RASAL2: variants seen among roughly 807,000 people sequenced by gnomAD.
RASAL2 encodes RAS protein activator like 2, also known as ras GTPase-activating protein nGAP.
A neutral mutation model predicts 128.9 loss-of-function variants in RASAL2; 58 were observed. That is an observed-to-expected ratio of 0.45 (90% CI 0.36 to 0.56). The LOEUF (loss-of-function observed/expected upper bound fraction) is 0.56, where lower values mean the gene tolerates loss of function less well. Among genes scored for constraint, RASAL2 ranks in the 20% least tolerant of loss-of-function variants. The pLI is 0.00. For synonymous variants in RASAL2, 561 were observed against 580.8 expected (o/e 0.97, Z 0.49); for missense variants, 1,360 against 1,601.6 (o/e 0.85, Z 2.57).
At chr1:178,194,514 C>T (rs1423812759) in intron 1 of RASAL2, 1 of 163,776 alleles carries the variant, frequency 6.1e-6, no homozygotes, top group African/African-American at 2.4e-5. Flanking sequence ...TTTCTCTAAG[C>T]ACCAAGGTCT....
intron 3 of RASAL2, among the ~76,000 whole-genome samples, chr1:178,333,913 A>G (rs1669462028): frequency 6.6e-6 from 1 of 152,218 alleles, no homozygotes; most frequent in Non-Finnish European, 1.5e-5. Flanking sequence ...TATTGCCAAG[A>G]GAAAATATGT....
chr1:178,334,302 A>G (rs1287475683), intron 3 of RASAL2, among the ~76,000 whole-genome samples: 2 of 151,376 alleles, frequency 1.3e-5, no homozygotes, highest in Non-Finnish European at 2.9e-5. Context: ...ACAATGTTTT[A>G]TACTTGGTAA....
chr1:178,225,765 A>G (rs566722272), intron 1 of RASAL2, among the ~76,000 whole-genome samples: 1 of 129,424 alleles, frequency 7.7e-6, no homozygotes, highest in East Asian at 2.1e-4. Flanking sequence ...CTGTACATAC[A>G]TATATATATA....
chr1:178,133,366 A>G lies in RASAL2; in HGVS notation c.202+38672A>G, dbSNP rs182338771. Among the ~76,000 whole-genome samples the G allele has an allele frequency of 1.5e-3, 230 of 152,358 alleles. 1 individual carries two copies. The highest frequency in any genetic ancestry group is 5.3e-3 in the African/African-American group (221 of 41,594). On this transcript the variant is annotated intron_variant, in intron 1 of 17. Transcript: ENST00000367649. ...CTTTGGTGACACTGTTTCAGCCACA[A>G]GTAAACCTAGCAACTCTATGAATAG...
intron 1 of RASAL2, among the ~76,000 whole-genome samples, chr1:178,230,078 G>A (rs1663941061): frequency 6.6e-6 from 1 of 151,902 alleles, no homozygotes; most frequent in Non-Finnish European, 1.5e-5. Context: ...TAGTGTCTAG[G>A]GTCTTTTTTT....
chr1:178,373,933 G>A (rs746882530), intron 3 of RASAL2, among the ~76,000 whole-genome samples: 3 of 152,044 alleles, frequency 2.0e-5, no homozygotes, highest in Non-Finnish European at 2.9e-5. Context: ...GTCAATTCCC[G>A]ATTATCCACC....
intron 3 of RASAL2, among the ~76,000 whole-genome samples, chr1:178,311,170 T>A (rs535567023): frequency 6.6e-6 from 1 of 151,628 alleles, no homozygotes; most frequent in South Asian, 2.1e-4. Context: ...CCACCAAACC[T>A]ACTAAAGGTG....
chr1:178,221,139 C>T (rs186793330), intron 1 of RASAL2, among the ~76,000 whole-genome samples: 4 of 152,184 alleles, frequency 2.6e-5, no homozygotes, highest in Admixed American at 1.3e-4. Flanking sequence ...AATGATATGT[C>T]GTTGTTTGAA....
intron 3 of RASAL2, among the ~76,000 whole-genome samples, chr1:178,345,061 CCT>C (rs1215367071): frequency 6.6e-6 from 1 of 152,100 alleles, no homozygotes; most frequent in Non-Finnish European, 1.5e-5. Context: ...AGGCCTTTGT[CCT>C]CTCTGGTACC....
At chr1:178,358,785 A>G (rs916400735) in intron 3 of RASAL2, among the ~76,000 whole-genome samples, 7 of 152,280 alleles carry the variant, frequency 4.6e-5, no homozygotes, top group Middle Eastern at 3.4e-3. Context: ...TGTATATACC[A>G]AAGAGGAATT....
At chr1:178,231,527 T>C (rs978881543) in intron 1 of RASAL2, among the ~76,000 whole-genome samples, 6 of 152,190 alleles carry the variant, frequency 3.9e-5, no homozygotes, top group African/African-American at 1.2e-4. Flanking sequence ...TGAACAGAAG[T>C]TGTTAAATTT....
chr1:178,243,701 T>C (rs1664631780), intron 1 of RASAL2, among the ~76,000 whole-genome samples: 1 of 152,118 alleles, frequency 6.6e-6, no homozygotes, highest in Non-Finnish European at 1.5e-5. Context: ...TTTTAATGGA[T>C]TGGGAGGCAG....
chr1:178,125,892 T>C (rs1026552740), intron 1 of RASAL2, among the ~76,000 whole-genome samples: 2 of 152,196 alleles, frequency 1.3e-5, no homozygotes, highest in South Asian at 2.1e-4. Flanking sequence ...AATTGTATTG[T>C]TGATATAGTA....
At chr1:178,392,919 T>A (rs1198315947) in intron 4 of RASAL2, among the ~76,000 whole-genome samples, 1 of 152,152 alleles carries the variant, frequency 6.6e-6, no homozygotes, top group Non-Finnish European at 1.5e-5. Context: ...TCACAAAAAT[T>A]TATACTTTTA....
intron 1 of RASAL2, among the ~76,000 whole-genome samples, chr1:178,190,573 G>C (rs1394482867): frequency 6.6e-6 from 1 of 152,108 alleles, no homozygotes; most frequent in Non-Finnish European, 1.5e-5. Context: ...TGACAGGAAG[G>C]AATCTATCTA....
chr1:178,139,715 A>C (rs980274729), intron 1 of RASAL2, among the ~76,000 whole-genome samples: 1 of 151,950 alleles, frequency 6.6e-6, no homozygotes, highest in African/African-American at 2.4e-5. Flanking sequence ...GTCAGTTGTC[A>C]TAAGTTTTTT....
At chr1:178,208,460 G>A (rs911313848) in intron 1 of RASAL2, among the ~76,000 whole-genome samples, 1 of 152,086 alleles carries the variant, frequency 6.6e-6, no homozygotes, top group Non-Finnish European at 1.5e-5. Context: ...GTACCCTCAG[G>A]CTTACTAGGG....
In RASAL2 at chr1:178,175,263, G is replaced by T. The variant is rs549329776; in HGVS notation, c.202+80569G>T. ...TTTGAACATTTTTATTAACTTTTTT[G>T]GGGGGAAAAGTCGTATATGAGAGTA... On this transcript the variant is annotated intron_variant, in intron 1 of 17. Transcript: ENST00000367649. Among the ~76,000 whole-genome samples, 179 of 151,788 alleles carry T rather than the reference G, an allele frequency of 1.2e-3. 1 individual carries two copies. Among genetic ancestry groups the T allele is most frequent in the African/African-American group, 3.8e-3 (158 of 41,354 alleles).
At chr1:178,194,411 C>T (rs1422427178) in intron 1 of RASAL2, 2 of 220,960 alleles carry the variant, frequency 9.1e-6, no homozygotes, top group Admixed American at 8.2e-5. Flanking sequence ...ATGGATAGCA[C>T]ACAGAGTAGT....
Sources: gnomAD v4.1 joint callset for allele counts (sites outside exome capture counted in the v4.1 genomes callset) on GRCh38, gnomAD v4.1.1 for gene constraint, MANE v1.5 for transcripts, NCBI Gene and HGNC (gene_info 2026-07-23, HGNC 2026-07-21) for gene names.